NELL1: variants seen among roughly 807,000 people sequenced by gnomAD.
NELL1 encodes neural EGFL like 1.
Under a neutral mutation model 107.4 loss-of-function variants are expected in NELL1, and 76 were observed. The ratio of observed to expected loss-of-function variants is 0.71; its 90% CI spans 0.59 to 0.86. NELL1 has a LOEUF of 0.86. Ranked by LOEUF, NELL1 falls within the 40% of genes least tolerant of loss-of-function variation. The pLI, the probability that NELL1 is intolerant of heterozygous loss-of-function variation, is 0.00. For missense variants in NELL1, 1,024 were observed against 1,005.5 expected (o/e 1.02, Z -0.25); for synonymous variants, 353 against 341.2 (o/e 1.03, Z -0.38).
intron 12 of NELL1, among the ~76,000 whole-genome samples, chr11:21,006,815 T>C (rs1413134056): frequency 6.6e-6 from 1 of 152,098 alleles, no homozygotes; most frequent in Non-Finnish European, 1.5e-5. Context: ...AAGACTGTTG[T>C]CTCTGACAAC....
intron 15 of NELL1, among the ~76,000 whole-genome samples, chr11:21,413,322 G>A (rs147390797): frequency 1.3e-3 from 203 of 151,846 alleles, no homozygotes; most frequent in Non-Finnish European, 2.3e-3. Flanking sequence ...CAACTGCATC[G>A]TGGAAAAATG....
rs551167351 is a variant in NELL1, at chr11:21,307,252, T to C, written c.1550-63601T>C. Among the ~76,000 whole-genome samples the C allele has an allele frequency of 9.2e-5, 14 of 152,100 alleles. 3 individuals carry two copies. The highest frequency in any genetic ancestry group is 3.4e-4 in the African/African-American group (14 of 41,514). ...GATGGTAGTATTCATGCAGCTGTAA[T>C]AAGATTATATCTGATTTACTGTAGA... is the stretch of plus-strand genomic sequence containing the variant. On this transcript the variant is annotated intron_variant, in intron 14 of 19. Coordinates refer to ENST00000357134, the MANE Select transcript of NELL1 (RefSeq NM_006157.5).
At chr11:21,457,034 TG>T (rs1401582079) in intron 15 of NELL1, among the ~76,000 whole-genome samples, 2 of 152,254 alleles carry the variant, frequency 1.3e-5, no homozygotes, top group African/African-American at 4.8e-5. Context: ...ATTAAAGGTT[TG>T]GCAATATAGC....
intron 14 of NELL1, among the ~76,000 whole-genome samples, chr11:21,366,930 C>G (rs1851235091): frequency 6.6e-6 from 1 of 152,048 alleles, no homozygotes; most frequent in Non-Finnish European, 1.5e-5. Context: ...TAGTGTAGAA[C>G]TGCTTTTGTT....
intron 14 of NELL1, among the ~76,000 whole-genome samples, chr11:21,273,503 C>T (rs1848785669): frequency 6.6e-6 from 1 of 152,140 alleles, no homozygotes; most frequent in African/African-American, 2.4e-5. Context: ...AGGAGAACTT[C>T]CCCAATCTAG....
At chr11:21,126,866 G>A (rs934962717) in intron 13 of NELL1, among the ~76,000 whole-genome samples, 1 of 152,170 alleles carries the variant, frequency 6.6e-6, no homozygotes, top group African/African-American at 2.4e-5. Context: ...TCAAAACAGA[G>A]TTTATAACTA....
chr11:21,524,847 A>G (rs1855811358), intron 15 of NELL1, among the ~76,000 whole-genome samples: 1 of 152,166 alleles, frequency 6.6e-6, no homozygotes, highest in Non-Finnish European at 1.5e-5. Context: ...TAGCAGTCAA[A>G]TTTCAATAGT....
At chr11:21,192,709 G>A (rs576375675) in intron 13 of NELL1, among the ~76,000 whole-genome samples, 1 of 151,802 alleles carries the variant, frequency 6.6e-6, no homozygotes. Context: ...AGAAGTAGAG[G>A]TTTGTTTAAA....
chr11:21,134,504 A>G (rs1346778845), intron 13 of NELL1, among the ~76,000 whole-genome samples: 2 of 152,174 alleles, frequency 1.3e-5, no homozygotes, highest in Non-Finnish European at 1.5e-5. Flanking sequence ...AAACTCGTCT[A>G]TGCTCCTTTG....
intron 15 of NELL1, among the ~76,000 whole-genome samples, chr11:21,404,246 A>G (rs184466969): frequency 1.6e-4 from 24 of 151,934 alleles, no homozygotes; most frequent in African/African-American, 5.8e-4. Flanking sequence ...ACATTTGCCT[A>G]TACTTATATT....
At chr11:21,293,244 C>A (rs945234247) in intron 14 of NELL1, among the ~76,000 whole-genome samples, 1 of 151,566 alleles carries the variant, frequency 6.6e-6, no homozygotes, top group African/African-American at 2.4e-5. Context: ...AAAAAACAAA[C>A]AACAAAAAAC....
rs577589690 is a variant in NELL1 at position 20,793,379 on chromosome 11, G to A, written c.335+9549G>A. On this transcript the variant is annotated intron_variant, in intron 3 of 19. Coordinates refer to ENST00000357134, the MANE Select transcript of NELL1 (RefSeq NM_006157.5). ...ATTTTATTTCTAATGTGTGATATGT[G>A]TGTTTTCTTCTTTTCTTGGCCAGGC... Among the ~76,000 whole-genome samples the A allele has an allele frequency of 2.4e-4, 37 of 151,976 alleles. 1 individual carries two copies. The Middle Eastern group carries it at 0.01, about 42-fold the overall frequency.
intron 2 of NELL1, among the ~76,000 whole-genome samples, chr11:20,758,331 G>A (rs746184868): frequency 6.6e-6 from 1 of 152,110 alleles, no homozygotes; most frequent in Non-Finnish European, 1.5e-5. Flanking sequence ...AATGTGTCCT[G>A]TGGCCTAATA....
At chr11:20,994,883 T>C (rs905028329) in intron 12 of NELL1, among the ~76,000 whole-genome samples, 1 of 152,214 alleles carries the variant, frequency 6.6e-6, no homozygotes, top group African/African-American at 2.4e-5. Flanking sequence ...CATAAATAAT[T>C]ATTGTTTCTA....
At chr11:20,791,797 A>G (rs907428517) in intron 3 of NELL1, among the ~76,000 whole-genome samples, 33 of 131,558 alleles carry the variant, frequency 2.5e-4, no homozygotes, top group African/African-American at 8.4e-4. Context: ...TTCTATTCCT[A>G]GTTTGGTTAG....
chr11:20,829,527 G>A (rs539338518), intron 3 of NELL1, among the ~76,000 whole-genome samples: 1 of 151,968 alleles, frequency 6.6e-6, no homozygotes, highest in East Asian at 1.9e-4. Context: ...CACCTGGCCT[G>A]CTGCAGGACT....
chr11:20,748,903 C>T lies in NELL1; in HGVS notation c.185-34777C>T, dbSNP rs2403621. On this transcript the variant is annotated intron_variant, in intron 2 of 19. Transcript: ENST00000357134. ...ATCCATCCATCCATCCATCCATCCA[C>T]CCAGCCACCCATCCATCCATCCATC... is the stretch of plus-strand genomic sequence containing the variant. Among the ~76,000 whole-genome samples the T allele has an allele frequency of 5.6e-3, 242 of 43,292 alleles. 1 individual carries two copies. The highest frequency in any genetic ancestry group is 0.016 in the Middle Eastern group (1 of 62). The allele number at this position is 43,292 out of a possible 152,430, so 28.4% of individuals were successfully genotyped here. A position where few individuals can be genotyped will look rare whatever the true frequency, so the allele number is the denominator to read the frequency against.
chr11:20,764,187 C>A (rs922367514), intron 2 of NELL1, among the ~76,000 whole-genome samples: 1 of 152,150 alleles, frequency 6.6e-6, no homozygotes, highest in Non-Finnish European at 1.5e-5. Context: ...TTTTATTTTG[C>A]AAACTGAAAT....
chr11:21,043,220 A>G (rs373505750), intron 12 of NELL1, among the ~76,000 whole-genome samples: 19 of 152,170 alleles, frequency 1.2e-4, no homozygotes, highest in African/African-American at 3.9e-4. Flanking sequence ...TGCACCTACT[A>G]TGACTGGGCC....
Sources: gnomAD v4.1 joint callset for allele counts (sites outside exome capture counted in the v4.1 genomes callset) on GRCh38, gnomAD v4.1.1 for gene constraint, MANE v1.5 for transcripts, NCBI Gene and HGNC (gene_info 2026-07-23, HGNC 2026-07-21) for gene names.